Variants in PELI2 observed in about 807,000 individuals in gnomAD.
PELI2 encodes the protein pellino E3 ubiquitin protein ligase family member 2.
PELI2 carries 23 observed loss-of-function variants against 42.3 expected under a neutral mutation model. That is an observed-to-expected ratio of 0.54 (90% CI 0.39 to 0.77). The LOEUF is 0.77. Among genes scored for constraint, PELI2 ranks in the 30% least tolerant of loss-of-function variants. PELI2 has a pLI of 0.00. For missense variants in PELI2, 463 were observed against 553.2 expected, an observed-to-expected ratio of 0.84 and a Z score of 1.64; for synonymous variants, 245 against 212.2, an observed-to-expected ratio of 1.15 and a Z score of -1.34.
At chr14:56,188,829 A>G (rs1158813809) in intron 2 of PELI2, among the ~76,000 whole-genome samples, 2 of 152,200 alleles carry the variant, frequency 1.3e-5, no homozygotes, top group Admixed American at 1.3e-4. Flanking sequence ...CTCTTGGGCA[A>G]AAGATGCCTT....
intron 5 of PELI2, among the ~76,000 whole-genome samples, chr14:56,293,837 A>C (rs567244584): frequency 6.6e-6 from 1 of 152,352 alleles, no homozygotes; most frequent in African/African-American, 2.4e-5. Flanking sequence ...GTTGTTTACC[A>C]AGAACTGCCC....
At chr14:56,283,686 GC>G (rs1264506240) in intron 3 of PELI2, among the ~76,000 whole-genome samples, 1 of 152,196 alleles carries the variant, frequency 6.6e-6, no homozygotes, top group African/African-American at 2.4e-5. Flanking sequence ...GGCATTAGGG[GC>G]AGAGCTAAGA....
At chr14:56,229,166 C>T (rs565660029) in intron 2 of PELI2, among the ~76,000 whole-genome samples, 20 of 152,360 alleles carry the variant, frequency 1.3e-4, no homozygotes, top group African/African-American at 4.6e-4. Context: ...CCTGTGGGGG[C>T]AGGGAATAGC....
intron 2 of PELI2, among the ~76,000 whole-genome samples, chr14:56,234,435 G>A (rs946663320): frequency 3.3e-5 from 5 of 152,206 alleles, no homozygotes; most frequent in Non-Finnish European, 5.9e-5. Context: ...AAAAGGATGA[G>A]TTCATGTCCT....
chr14:56,280,917 G>C (rs998426105), intron 3 of PELI2, among the ~76,000 whole-genome samples: 3 of 151,964 alleles, frequency 2.0e-5, no homozygotes, highest in Non-Finnish European at 4.4e-5. Context: ...ATAATTCTCA[G>C]AAGAAGAAAT....
chr14:56,163,683 A>T (rs954370550), intron 1 of PELI2, among the ~76,000 whole-genome samples: 1 of 151,950 alleles, frequency 6.6e-6, no homozygotes, highest in Non-Finnish European at 1.5e-5. Context: ...CATTTGAATA[A>T]TATTTATTTT....
At chr14:56,181,867 TGTGTG>T (rs1566624146) in intron 2 of PELI2, among the ~76,000 whole-genome samples, 145 of 148,382 alleles carry the variant, frequency 9.8e-4, no homozygotes, top group African/African-American at 3.4e-3. Context: ...TGTGTGTGTG[TGTGTG>T]TTTTTAAATT....
At chr14:56,160,620 T>G (rs767403510) in intron 1 of PELI2, among the ~76,000 whole-genome samples, 1 of 152,192 alleles carries the variant, frequency 6.6e-6, no homozygotes, top group South Asian at 2.1e-4. Context: ...ACATCTCAAT[T>G]GCTATAAAGA....
chr14:56,245,439 A>G (rs962037604), intron 2 of PELI2, among the ~76,000 whole-genome samples: 3 of 152,226 alleles, frequency 2.0e-5, no homozygotes, highest in Admixed American at 1.3e-4. Context: ...ATGTAAAACC[A>G]TGTATGATAA....
chr14:56,279,463 T>A (rs1020824689), intron 2 of PELI2, among the ~76,000 whole-genome samples: 1 of 152,206 alleles, frequency 6.6e-6, no homozygotes, highest in Non-Finnish European at 1.5e-5. Context: ...AAAATATTGT[T>A]CACTTTAAGA....
chr14:56,161,655 G>T (rs566279990), intron 1 of PELI2, among the ~76,000 whole-genome samples: 23 of 152,202 alleles, frequency 1.5e-4, no homozygotes, highest in African/African-American at 5.5e-4. Context: ...TGTTTCCTAA[G>T]CCCCTTAACA....
At chr14:56,169,715 C>T (rs1393413628) in intron 1 of PELI2, among the ~76,000 whole-genome samples, 2 of 152,120 alleles carry the variant, frequency 1.3e-5, no homozygotes, top group Non-Finnish European at 2.9e-5. Context: ...TAGTTGTTAA[C>T]TTGGTGTCCT....
Position 56,296,962 on chromosome 14 carries a change from A to T in PELI2, c.1059A>T (p.Ala353=), listed in dbSNP as rs752480362. ...PYVPLWLGCE[A]GFYVDAGPPT... ...TGCCTCTCTGGCTTGGCTGTGAGGC[A>T]GGATTTTATGTAGACGCAGGACCGC... The change falls in exon 6 of 6, where the codon GCA becomes GCT. Residue 353 remains alanine (A), a synonymous_variant. Transcript: ENST00000267460. The T allele has an allele frequency of 6.2e-7, 1 of 1,614,146 alleles. No individual in the cohort carries two copies. Among genetic ancestry groups the T allele is most frequent in the Admixed American group, 1.7e-5 (1 of 60,026 alleles).
chr14:56,235,826 G>C lies in PELI2; in HGVS notation c.208-43850G>C, dbSNP rs566446381. ...TGCTCATCCCTGTTAGTAAACCATG[G>C]GGAAGACAGGGAAGAGAAGGGCATT... On this transcript the variant is annotated intron_variant, in intron 2 of 5. Coordinates refer to ENST00000267460, the MANE Select transcript of PELI2 (RefSeq NM_021255.3). Among the ~76,000 whole-genome samples, 7 of 152,290 alleles carry C rather than the reference G, an allele frequency of 4.6e-5. No individual in the cohort carries two copies. The East Asian group carries it at 1.4e-3, about 29-fold the overall frequency.
intron 2 of PELI2, among the ~76,000 whole-genome samples, chr14:56,222,674 T>G (rs754689): frequency 5.5e-4 from 83 of 152,292 alleles, no homozygotes; most frequent in African/African-American, 1.9e-3. Flanking sequence ...AGCTCTAGTT[T>G]GTACATATTA....
At chr14:56,128,944 A>G (rs924288786) in intron 1 of PELI2, among the ~76,000 whole-genome samples, 1 of 152,082 alleles carries the variant, frequency 6.6e-6, no homozygotes, top group African/African-American at 2.4e-5. Context: ...AGAGGTAGAA[A>G]GGGTGAGTTA....
intron 1 of PELI2, among the ~76,000 whole-genome samples, chr14:56,167,587 A>T (rs1184804495): frequency 6.6e-6 from 1 of 152,176 alleles, no homozygotes; most frequent in African/African-American, 2.4e-5. Flanking sequence ...TGTTATCTTG[A>T]ATTTCTTCGA....
chr14:56,137,828 T>G (rs1595546685), intron 1 of PELI2, among the ~76,000 whole-genome samples: 1 of 152,048 alleles, frequency 6.6e-6, no homozygotes, highest in African/African-American at 2.4e-5. Flanking sequence ...CCTTTAAGAG[T>G]AGTGCTTGGA....
At chr14:56,120,348 T>G (rs1883016178) in intron 1 of PELI2, among the ~76,000 whole-genome samples, 1 of 152,182 alleles carries the variant, frequency 6.6e-6, no homozygotes, top group Non-Finnish European at 1.5e-5. Context: ...TTATTTCCTT[T>G]TGAGGAAATC....
Sources: gnomAD v4.1 joint callset for allele counts (sites outside exome capture counted in the v4.1 genomes callset) on GRCh38, gnomAD v4.1.1 for gene constraint, MANE v1.5 for transcripts, NCBI Gene and HGNC (gene_info 2026-07-23, HGNC 2026-07-21) for gene names.